SDK1: variants seen among roughly 807,000 people sequenced by gnomAD.
SDK1 encodes sidekick cell adhesion molecule 1, also known as protein sidekick-1.
A neutral mutation model predicts 245.5 loss-of-function variants in SDK1; 157 were observed. The observed-to-expected ratio is 0.64, with a 90% confidence interval of 0.56 to 0.73. The LOEUF (loss-of-function observed/expected upper bound fraction) is 0.73, where lower values mean the gene tolerates loss of function less well. Among genes scored for constraint, SDK1 ranks in the 30% least tolerant of loss-of-function variants. SDK1 has a pLI of 0.00. For missense variants in SDK1, 3,583 were observed against 3,002.3 expected (o/e 1.19, Z -4.52); for synonymous variants, 1,647 against 1,278.5 (o/e 1.29, Z -6.15).
intron 25 of SDK1, among the ~76,000 whole-genome samples, chr7:4,120,357 CT>C (rs1783977611): frequency 1.3e-5 from 2 of 148,306 alleles, no homozygotes; most frequent in African/African-American, 4.9e-5. Flanking sequence ...AGAGAAAAAT[CT>C]TAAAAACAAT....
At chr7:3,575,219 C>T (rs1233378825) in intron 1 of SDK1, among the ~76,000 whole-genome samples, 1 of 152,028 alleles carries the variant, frequency 6.6e-6, no homozygotes, top group African/African-American at 2.4e-5. Flanking sequence ...AGGTGGCTGC[C>T]TTCTTTCTGT....
At chr7:3,456,269 G>T (rs1290193939) in intron 1 of SDK1, among the ~76,000 whole-genome samples, 6 of 152,116 alleles carry the variant, frequency 3.9e-5, no homozygotes, top group African/African-American at 1.4e-4. Flanking sequence ...CTAAATTTGG[G>T]AAATATTTAG....
At chr7:3,865,282 G>C (rs114800730) in intron 5 of SDK1, among the ~76,000 whole-genome samples, 9 of 152,184 alleles carry the variant, frequency 5.9e-5, no homozygotes, top group Non-Finnish European at 2.9e-5. Flanking sequence ...AGTGAGAATG[G>C]GTTGGCCTAA....
intron 6 of SDK1, among the ~76,000 whole-genome samples, chr7:3,951,421 C>G (rs575169097): frequency 6.6e-6 from 1 of 152,174 alleles, no homozygotes; most frequent in African/African-American, 2.4e-5. Context: ...CCTTCCATGT[C>G]GTTGTGTCCC....
chr7:4,139,856 T>C lies in SDK1; in HGVS notation c.4229-5866T>C, dbSNP rs111581509. ...GGGCCTCGCCCTGCGCTGTCTGGGC[T>C]GTCTTGGAGCTGGGTGGAGCCCTCG... On this transcript the variant is annotated intron_variant, in intron 28 of 44. Coordinates refer to ENST00000404826, the MANE Select transcript of SDK1 (RefSeq NM_152744.4). Among the ~76,000 whole-genome samples the C allele has an allele frequency of 3.3e-3, 498 of 151,534 alleles. 4 individuals are homozygous for C. Among genetic ancestry groups the C allele is most frequent in the African/African-American group, 0.011 (471 of 41,534 alleles).
chr7:3,492,467 C>G (rs1038213799), intron 1 of SDK1, among the ~76,000 whole-genome samples: 2 of 152,372 alleles, frequency 1.3e-5, no homozygotes, highest in East Asian at 3.9e-4. Context: ...ACACTCCAAC[C>G]TGGGCGACAG....
intron 16 of SDK1, among the ~76,000 whole-genome samples, chr7:4,014,097 A>G (rs1786199976): frequency 6.6e-6 from 1 of 152,242 alleles, no homozygotes; most frequent in Non-Finnish European, 1.5e-5. Context: ...TGTACCCAGC[A>G]GCACAGGCCT....
intron 4 of SDK1, among the ~76,000 whole-genome samples, chr7:3,673,826 A>C (rs1393311436): frequency 6.6e-6 from 1 of 152,232 alleles, no homozygotes; most frequent in African/African-American, 2.4e-5. Context: ...TTGTTTGAGA[A>C]TTATATCATA....
At chr7:3,784,899 A>G (rs1780852492) in intron 4 of SDK1, among the ~76,000 whole-genome samples, 1 of 152,228 alleles carries the variant, frequency 6.6e-6, no homozygotes, top group Non-Finnish European at 1.5e-5. Flanking sequence ...AGACGTGTGC[A>G]CACCAATGTT....
intron 1 of SDK1, among the ~76,000 whole-genome samples, chr7:3,502,437 A>G (rs961774775): frequency 2.0e-5 from 3 of 152,114 alleles, no homozygotes; most frequent in South Asian, 2.1e-4. Context: ...TTTTGTAGAG[A>G]TGGGGTTTCC....
At chr7:3,359,351 A>G (rs947274594) in intron 1 of SDK1, among the ~76,000 whole-genome samples, 3 of 152,306 alleles carry the variant, frequency 2.0e-5, no homozygotes, top group Middle Eastern at 6.8e-3. Flanking sequence ...TGCATAGTGA[A>G]TACATTGCCT....
intron 40 of SDK1, among the ~76,000 whole-genome samples, chr7:4,231,060 A>C (rs1014149843): frequency 1.3e-5 from 2 of 152,100 alleles, no homozygotes; most frequent in African/African-American, 4.8e-5. Flanking sequence ...AACAGAGTAA[A>C]TGCACAAGCC....
chr7:3,576,945 G>C (rs1340445833), intron 1 of SDK1, among the ~76,000 whole-genome samples: 2 of 152,032 alleles, frequency 1.3e-5, no homozygotes, highest in Admixed American at 6.5e-5. Flanking sequence ...TGAAGAAATA[G>C]TAGACTTTTG....
At chr7:3,307,561 A>G (rs985559095) in intron 1 of SDK1, among the ~76,000 whole-genome samples, 1 of 152,188 alleles carries the variant, frequency 6.6e-6, no homozygotes, top group African/African-American at 2.4e-5. Flanking sequence ...TTGTTTATGT[A>G]TGTGCAATTC....
chr7:4,206,315 G>C (rs532301359), intron 36 of SDK1, among the ~76,000 whole-genome samples: 3 of 152,334 alleles, frequency 2.0e-5, no homozygotes, highest in African/African-American at 7.2e-5. Context: ...TCCGTTTCCT[G>C]GGCCCATTCT....
chr7:4,252,061 CT>C (rs971833004), intron 44 of SDK1, among the ~76,000 whole-genome samples: 5 of 152,006 alleles, frequency 3.3e-5, no homozygotes, highest in Admixed American at 6.6e-5. Context: ...AATCCTTTCT[CT>C]TTTTTTTATT....
intron 22 of SDK1, among the ~76,000 whole-genome samples, chr7:4,083,923 G>C (rs1287034147): frequency 6.6e-6 from 1 of 151,770 alleles, no homozygotes; most frequent in Non-Finnish European, 1.5e-5. Flanking sequence ...GCCCCACTCA[G>C]GGATGCTAAG....
Position 3,623,695 on chromosome 7 carries a change from A to T in SDK1, c.458+4456A>T, listed in dbSNP as rs183912245. 1.2e-3 allele frequency among the ~76,000 whole-genome samples: 190 copies of T among 152,230 alleles called. 2 individuals are homozygous for T. The highest frequency in any genetic ancestry group is 4.3e-3 in the African/African-American group (177 of 41,542). The stretch of plus-strand genomic sequence containing the variant: ...TTCCAGAAAGCATTTAGTCTAAATT[A>T]TTTTCTACTTTGGAATGAAAAAATC... On this transcript the variant is annotated intron_variant, in intron 2 of 44. Transcript: ENST00000404826.
Position 4,237,647 on chromosome 7 carries a change from C to G in SDK1, c.5993C>G (p.Ala1998Gly). ...TTGTGTGTCCGTGTCTTTTCCACAG[C>G]TCAAGTGGAAGCCCCATTCTACGAG... ...EPSNPSTAVS[A>G]QVEAPFYEEW... The change falls in exon 42 of 45, where the codon GCT becomes GGT. Residue 1998 changes from alanine to glycine, a missense_variant and splice_region_variant. By Grantham distance (60) the Ala-to-Gly change is moderately conservative (BLOSUM62 0). Coordinates refer to ENST00000404826, the MANE Select transcript of SDK1 (RefSeq NM_152744.4). 1 of 1,614,176 alleles carries G rather than the reference C, an allele frequency of 6.2e-7. No homozygotes were observed. The highest frequency in any genetic ancestry group is 8.5e-7 in the Non-Finnish European group (1 of 1,180,022).
Sources: gnomAD v4.1 joint callset for allele counts (sites outside exome capture counted in the v4.1 genomes callset) on GRCh38, gnomAD v4.1.1 for gene constraint, MANE v1.5 for transcripts, NCBI Gene and HGNC (gene_info 2026-07-23, HGNC 2026-07-21) for gene names.